Variants in LCLAT1 observed in about 807,000 individuals in gnomAD.
LCLAT1 encodes lysocardiolipin acyltransferase 1, also known as 1-AGP acyltransferase 8.
A neutral mutation model predicts 30.7 loss-of-function variants in LCLAT1; 11 were observed. The ratio of observed to expected loss-of-function variants is 0.36; its 90% CI spans 0.23 to 0.59. The LOEUF is 0.59. Among genes scored for constraint, LCLAT1 ranks in the 20% least tolerant of loss-of-function variants. LCLAT1 has a pLI of 0.77. For synonymous variants in LCLAT1, 155 were observed against 151.3 expected (o/e 1.02, Z -0.18); for missense variants, 402 against 458.6 (o/e 0.88, Z 1.13).
intron 5 of LCLAT1, among the ~76,000 whole-genome samples, chr2:30,584,678 G>A (rs1666349457): frequency 6.6e-6 from 1 of 152,094 alleles, no homozygotes; most frequent in Admixed American, 6.5e-5. Context: ...ATGCAGCTTA[G>A]CAAAAAATGT....
At chr2:30,542,376 A>T (rs1312075929) in intron 3 of LCLAT1, among the ~76,000 whole-genome samples, 1 of 151,934 alleles carries the variant, frequency 6.6e-6, no homozygotes. Flanking sequence ...GTCAATGATT[A>T]TTTTTTTCCT....
chr2:30,482,756 A>G (rs10180054), intron 1 of LCLAT1, among the ~76,000 whole-genome samples: 19,199 of 151,512 alleles, frequency 0.13, 1,356 homozygotes, highest in South Asian at 0.23. Context: ...CCTGGTCAAC[A>G]TTGTGAAACC....
chr2:30,468,557 A>C (rs1299115937), intron 1 of LCLAT1, among the ~76,000 whole-genome samples: 1 of 152,170 alleles, frequency 6.6e-6, no homozygotes. Flanking sequence ...TTACTGTACA[A>C]GAAATTAAGC....
chr2:30,537,491 A>G (rs1032987666), intron 3 of LCLAT1, among the ~76,000 whole-genome samples: 4 of 147,606 alleles, frequency 2.7e-5, no homozygotes, highest in African/African-American at 7.5e-5. Context: ...TAAAGGGATC[A>G]ATTCAGCGAG....
chr2:30,585,780 CA>C (rs1321671985), intron 5 of LCLAT1, among the ~76,000 whole-genome samples: 1 of 152,160 alleles, frequency 6.6e-6, no homozygotes, highest in African/African-American at 2.4e-5. Flanking sequence ...GGCACACAGT[CA>C]GCAGAAGTGC....
intron 5 of LCLAT1, among the ~76,000 whole-genome samples, chr2:30,623,951 G>T (rs1668389202): frequency 6.6e-6 from 1 of 152,124 alleles, no homozygotes; most frequent in African/African-American, 2.4e-5. Context: ...AAGGGATTAG[G>T]GTCCCATCTT....
At chr2:30,623,789 C>T (rs560530415) in intron 5 of LCLAT1, among the ~76,000 whole-genome samples, 1 of 152,288 alleles carries the variant, frequency 6.6e-6, no homozygotes, top group South Asian at 2.1e-4. Context: ...GCAAAAAGAT[C>T]ATCGCCTAGG....
chr2:30,537,796 G>C (rs191935188), intron 3 of LCLAT1, among the ~76,000 whole-genome samples: 1 of 152,100 alleles, frequency 6.6e-6, no homozygotes, highest in African/African-American at 2.4e-5. Context: ...TCATCAATTC[G>C]TGGAACATTC....
At chr2:30,552,751 C>T (rs1219219743) in intron 3 of LCLAT1, 1 of 213,524 alleles carries the variant, frequency 4.7e-6, no homozygotes, top group Non-Finnish European at 9.8e-6. Flanking sequence ...TGTTACTTAA[C>T]TCCCTGATTT....
At chr2:30,629,709 G>A (rs1418591528) in intron 5 of LCLAT1, among the ~76,000 whole-genome samples, 1 of 152,204 alleles carries the variant, frequency 6.6e-6, no homozygotes, top group African/African-American at 2.4e-5. Context: ...TGTAGCTAAA[G>A]CCTGTTAAGG....
intron 5 of LCLAT1, among the ~76,000 whole-genome samples, chr2:30,620,251 C>T (rs1360749914): frequency 1.3e-5 from 2 of 152,108 alleles, no homozygotes; most frequent in Non-Finnish European, 2.9e-5. Flanking sequence ...CTTTCCAGCC[C>T]CTGTATGTGA....
At chr2:30,512,807 A>G (rs1685003957) in intron 1 of LCLAT1, among the ~76,000 whole-genome samples, 1 of 152,190 alleles carries the variant, frequency 6.6e-6, no homozygotes, top group Non-Finnish European at 1.5e-5. Flanking sequence ...AATAAATGTT[A>G]AAATAAATGT....
chr2:30,552,952 C>G (rs1023603918), intron 3 of LCLAT1, among the ~76,000 whole-genome samples: 1 of 152,066 alleles, frequency 6.6e-6, no homozygotes. Context: ...AAAATAATGT[C>G]GAAGGAGCAG....
At chr2:30,482,159 G>C (rs554215187) in intron 1 of LCLAT1, among the ~76,000 whole-genome samples, 3 of 152,180 alleles carry the variant, frequency 2.0e-5, no homozygotes, top group Non-Finnish European at 4.4e-5. Flanking sequence ...TGTGATTACA[G>C]TGTTCAGTAA....
At chr2:30,605,779 A>G (rs1205903719) in intron 5 of LCLAT1, among the ~76,000 whole-genome samples, 3 of 152,166 alleles carry the variant, frequency 2.0e-5, no homozygotes, top group African/African-American at 7.2e-5. Flanking sequence ...CTTTTATGTC[A>G]GTGGTCCCCA....
At chr2:30,516,505 A>T (rs1274479692) in intron 1 of LCLAT1, among the ~76,000 whole-genome samples, 1 of 152,150 alleles carries the variant, frequency 6.6e-6, no homozygotes, top group Non-Finnish European at 1.5e-5. Flanking sequence ...GTAGAGCTGA[A>T]CACTAGTCGC....
chr2:30,473,450 C>T (rs1682896158), intron 1 of LCLAT1, among the ~76,000 whole-genome samples: 1 of 152,170 alleles, frequency 6.6e-6, no homozygotes, highest in African/African-American at 2.4e-5. Flanking sequence ...GGGTCACCCG[C>T]ATCTGGAACA....
chr2:30,592,084 C>T (rs559919794), intron 5 of LCLAT1, among the ~76,000 whole-genome samples: 1 of 152,222 alleles, frequency 6.6e-6, no homozygotes, highest in South Asian at 2.1e-4. Context: ...ACTAAGCACT[C>T]CATATATGTG....
At chr2:30,541,824 C>T (rs577959551) in intron 3 of LCLAT1, among the ~76,000 whole-genome samples, 1 of 113,962 alleles carries the variant, frequency 8.8e-6, no homozygotes, top group Admixed American at 9.5e-5. Flanking sequence ...TCCCCTTTTA[C>T]ATTTTTACCA....
Sources: allele counts gnomAD v4.1 joint callset (sites outside exome capture counted in the v4.1 genomes callset), GRCh38; gene constraint gnomAD v4.1.1; transcripts MANE v1.5; gene names NCBI Gene and HGNC (gene_info 2026-07-23, HGNC 2026-07-21).